LINGO2: variants seen among roughly 807,000 people sequenced by gnomAD.
The protein encoded by LINGO2 is leucine-rich repeat and immunoglobulin-like domain-containing nogo receptor-interacting protein 2.
Under a neutral mutation model 30.6 loss-of-function variants are expected in LINGO2, and 14 were observed. The observed-to-expected ratio is 0.46, with a 90% CI of 0.30 to 0.72. LINGO2 has a LOEUF of 0.72. Ranked by LOEUF, LINGO2 falls within the 30% of genes least tolerant of loss-of-function variation. The pLI is 0.07. For missense variants in LINGO2, 729 were observed against 751.7 expected (o/e 0.97, Z 0.35); for synonymous variants, 317 against 288.5 (o/e 1.10, Z -1.00).
intron 2 of LINGO2, among the ~76,000 whole-genome samples, chr9:28,397,594 G>A (rs905213148): frequency 7.0e-6 from 1 of 142,300 alleles, no homozygotes; most frequent in East Asian, 2.3e-4. Flanking sequence ...GTCGCCCAGG[G>A]TGGAGTGCAG....
intron 4 of LINGO2, among the ~76,000 whole-genome samples, chr9:28,266,093 C>T (rs567898837): frequency 1.2e-4 from 18 of 151,994 alleles, no homozygotes; most frequent in Non-Finnish European, 2.4e-4. Context: ...CTAAGTATGC[C>T]TTTTCTTTAA....
At chr9:28,698,088 T>C in the LINGO2 span, among the ~76,000 whole-genome samples, 1 of 152,078 alleles carries the variant, frequency 6.6e-6, no homozygotes, top group African/African-American at 2.4e-5. Flanking sequence ...AAGCTGATAT[T>C]GGCAATCCCA....
intron 1 of LINGO2, among the ~76,000 whole-genome samples, chr9:28,636,471 C>G (rs1189791988): frequency 6.6e-6 from 1 of 152,150 alleles, no homozygotes; most frequent in African/African-American, 2.4e-5. Flanking sequence ...TTCTCCACAT[C>G]GTCTCCAGCA....
chr9:28,214,925 C>A (rs977691423), intron 4 of LINGO2, among the ~76,000 whole-genome samples: 3 of 151,692 alleles, frequency 2.0e-5, no homozygotes, highest in Non-Finnish European at 4.4e-5. Context: ...ACTCTAAAAA[C>A]TGGTGTTTAA....
chr9:28,830,633 T>C, the LINGO2 span, among the ~76,000 whole-genome samples: 1 of 152,234 alleles, frequency 6.6e-6, no homozygotes, highest in African/African-American at 2.4e-5. Flanking sequence ...AAAGATATTT[T>C]AGTAGTAGCT....
intron 4 of LINGO2, among the ~76,000 whole-genome samples, chr9:28,159,748 C>T (rs1173421384): frequency 6.6e-6 from 1 of 152,160 alleles, no homozygotes; most frequent in Non-Finnish European, 1.5e-5. Context: ...AGCCAAATGG[C>T]ATGTTTTCTG....
intron 1 of LINGO2, chr9:28,599,345 C>T (rs1464763372): frequency 2.6e-5 from 4 of 152,054 alleles, no homozygotes; most frequent in African/African-American, 4.8e-5. Flanking sequence ...GTATGTAATA[C>T]TGAACAATAT....
the LINGO2 span, among the ~76,000 whole-genome samples, chr9:28,799,870 G>A: frequency 6.6e-6 from 1 of 151,964 alleles, no homozygotes; most frequent in Non-Finnish European, 1.5e-5. Context: ...TAATTTTCCA[G>A]GAATCAAAAA....
intron 2 of LINGO2, among the ~76,000 whole-genome samples, chr9:28,387,065 T>G (rs1386991706): frequency 1.3e-5 from 2 of 152,150 alleles, no homozygotes; most frequent in African/African-American, 4.8e-5. Context: ...AGTGGGGACT[T>G]GGAGAACTTT....
intron 4 of LINGO2, among the ~76,000 whole-genome samples, chr9:28,219,647 T>A (rs1395770695): frequency 2.6e-5 from 4 of 152,206 alleles, no homozygotes; most frequent in African/African-American, 9.6e-5. Flanking sequence ...TGAAACATAG[T>A]CTAGATATGT....
the LINGO2 span, among the ~76,000 whole-genome samples, chr9:28,809,392 C>T: frequency 2.6e-5 from 4 of 152,160 alleles, no homozygotes; most frequent in Admixed American, 2.0e-4. Context: ...TGGCAAGTTT[C>T]CCTAAAACCA....
the LINGO2 span, among the ~76,000 whole-genome samples, chr9:29,000,747 C>A: frequency 6.6e-6 from 1 of 151,690 alleles, no homozygotes; most frequent in Admixed American, 6.6e-5. Flanking sequence ...TCTTTTCTTC[C>A]CTTAGGTATA....
chr9:28,711,328 C>A, the LINGO2 span, among the ~76,000 whole-genome samples: 1 of 151,954 alleles, frequency 6.6e-6, no homozygotes, highest in African/African-American at 2.4e-5. Context: ...GTTATTAATT[C>A]TCCTCAAAAT....
At chr9:28,620,739 C>T (rs10968682) in intron 1 of LINGO2, among the ~76,000 whole-genome samples, 57,019 of 151,782 alleles carry the variant, frequency 0.38, 11,833 homozygotes, top group African/African-American at 0.54. Flanking sequence ...GAAAACCAAA[C>T]ACCACATGTT....
At chr9:28,397,610 C>T (rs936659189) in intron 2 of LINGO2, among the ~76,000 whole-genome samples, 3 of 134,990 alleles carry the variant, frequency 2.2e-5, no homozygotes, top group East Asian at 2.4e-4. Context: ...TGCAGTGGTG[C>T]GATCTCAGCT....
At chr9:28,664,477 T>G (rs1204915252) in intron 1 of LINGO2, among the ~76,000 whole-genome samples, 1 of 151,950 alleles carries the variant, frequency 6.6e-6, no homozygotes, top group Non-Finnish European at 1.5e-5. Flanking sequence ...AAGGGAAAAA[T>G]AGTCAGAGAG....
chr9:29,186,648 G>A, the LINGO2 span, among the ~76,000 whole-genome samples: 2 of 151,962 alleles, frequency 1.3e-5, no homozygotes, highest in African/African-American at 2.4e-5. Context: ...TATGGTTGAC[G>A]CTTCATTTCC....
At chr9:28,967,332 T>C in the LINGO2 span, among the ~76,000 whole-genome samples, 1 of 152,104 alleles carries the variant, frequency 6.6e-6, no homozygotes, top group East Asian at 1.9e-4. Context: ...ACTGAAGCAA[T>C]ATTGTAAGGA....
the LINGO2 span, among the ~76,000 whole-genome samples, chr9:28,999,004 G>A: frequency 6.6e-6 from 1 of 152,080 alleles, no homozygotes; most frequent in Non-Finnish European, 1.5e-5. Flanking sequence ...CAAACCATGA[G>A]TCAGGCACAG....
Sources: gnomAD v4.1 joint callset for allele counts (sites outside exome capture counted in the v4.1 genomes callset) on GRCh38, gnomAD v4.1.1 for gene constraint, MANE v1.5 for transcripts, NCBI Gene and HGNC (gene_info 2026-07-23, HGNC 2026-07-21) for gene names.